The following CNTNAP4 variants were observed in gnomAD, a reference collection of about 807,000 sequenced individuals.
CNTNAP4 encodes contactin-associated protein-like 4.
Under a neutral mutation model 148.4 loss-of-function variants are expected in CNTNAP4, and 98 were observed. That is an observed-to-expected ratio of 0.66 (90% CI 0.56 to 0.78). CNTNAP4 has a LOEUF of 0.78. Ranked by LOEUF, CNTNAP4 falls within the 30% of genes least tolerant of loss-of-function variation. CNTNAP4 has a pLI of 0.00. For missense variants in CNTNAP4, 1,935 were observed against 1,565.6 expected (o/e 1.24, Z -3.98); for synonymous variants, 730 against 565.1 (o/e 1.29, Z -4.14).
intron 7 of CNTNAP4, among the ~76,000 whole-genome samples, chr16:76,451,723 A>C (rs12447768): frequency 0.43 from 65,114 of 151,180 alleles, 14,061 homozygotes; most frequent in Middle Eastern, 0.49. Context: ...GCTATCATGC[A>C]GCTATCCAAA....
Position 76,489,860 on chromosome 16 carries a change from AGTCACGGCTGG to A in CNTNAP4, c.2058_2068del (p.Lys686AsnfsTer3). ...CAGGAGTTTACTTATTACTGCAAGA[AGTCACGGCTGG>A]TCAATAAGCAAGGTAAGTAAACCAT... On this transcript the variant is annotated frameshift_variant, in exon 13 of 24. Transcript: ENST00000611870. LOFTEE classifies it high-confidence loss of function. 1 of 1,566,496 alleles carries A rather than the reference AGTCACGGCTGG, an allele frequency of 6.4e-7. No individual in the cohort carries two copies. The highest frequency in any genetic ancestry group is 8.7e-7 in the Non-Finnish European group (1 of 1,148,678).
At chr16:76,525,874 G>A (rs918701166) in intron 17 of CNTNAP4, among the ~76,000 whole-genome samples, 3 of 147,784 alleles carry the variant, frequency 2.0e-5, no homozygotes, top group African/African-American at 7.4e-5. Context: ...TATAAACTAT[G>A]TAACTATAGT....
At chr16:76,498,768 AC>A (rs1249571805) in intron 15 of CNTNAP4, 74 bp downstream of exon 15, 2 of 1,392,076 alleles carry the variant, frequency 1.4e-6, no homozygotes, top group Non-Finnish European at 1.9e-6. Flanking sequence ...CTTAAGCATC[AC>A]GTTTCTATCA....
chr16:76,323,360 C>T (rs1962629911), intron 2 of CNTNAP4, among the ~76,000 whole-genome samples: 1 of 151,104 alleles, frequency 6.6e-6, no homozygotes, highest in Non-Finnish European at 1.5e-5. Context: ...CTTACTAAAA[C>T]ATTAACATTT....
At chr16:76,432,468 A>G (rs1262396434) in intron 4 of CNTNAP4, 37 of 152,192 alleles carry the variant, frequency 2.4e-4, no homozygotes, top group Admixed American at 2.4e-3. Context: ...TAAATTTCCA[A>G]TATCTTGGCC....
In CNTNAP4 at chr16:76,521,226, T is replaced by G; in HGVS notation, c.2452T>G (p.Ser818Ala). ...TFHGELSADV[S>A]FFFKTTASSG... ...CCACGGAGAACTTAGCGCGGATGTA[T>G]CTTTCTTTTTTAAGACAACAGCTTC... is the stretch of plus-strand genomic sequence containing the variant. The change falls in exon 16 of 24, where the codon TCT (serine) becomes GCT (alanine). Residue 818 changes from serine to alanine, a missense_variant. By Grantham distance (99) the Ser-to-Ala change is moderately conservative. Transcript: ENST00000611870. The G allele has an allele frequency of 1.9e-6, 3 of 1,612,878 alleles. No individual in the cohort carries two copies. Among genetic ancestry groups the G allele is most frequent in the Non-Finnish European group, 1.7e-6 (2 of 1,179,370 alleles).
intron 4 of CNTNAP4, among the ~76,000 whole-genome samples, chr16:76,446,163 T>C (rs562464101): frequency 2.3e-4 from 35 of 152,264 alleles, no homozygotes; most frequent in Admixed American, 8.5e-4. Flanking sequence ...GTGGTGTGTA[T>C]AGACATTTCA....
At chr16:76,450,974 C>G (rs192915964) in intron 7 of CNTNAP4, among the ~76,000 whole-genome samples, 324 of 152,288 alleles carry the variant, frequency 2.1e-3, no homozygotes, top group Non-Finnish European at 3.5e-3. Context: ...TTGGAACTTA[C>G]AGACATTTTC....
rs891989811 is a variant in CNTNAP4 at position 76,516,813 on chromosome 16, C to T, written c.2366-4327C>T. ...AAGTGGTGGCTCACGCCTGTAATCC[C>T]AGCACTTTGGGAGGCCAAGGTGGGT... On this transcript the variant is annotated intron_variant, in intron 15 of 23. Transcript: ENST00000611870. Among the ~76,000 whole-genome samples the T allele has an allele frequency of 5.9e-5, 9 of 152,186 alleles. No individual in the cohort carries two copies. In the East Asian group the frequency reaches 1.7e-3, roughly 29 times the overall value.
intron 4 of CNTNAP4, among the ~76,000 whole-genome samples, chr16:76,436,089 G>C (rs1372217953): frequency 9.2e-5 from 14 of 152,018 alleles, no homozygotes; most frequent in Admixed American, 9.2e-4. Flanking sequence ...AACAAACAGG[G>C]GTGTTGGGGT....
At chr16:76,427,344 C>A (rs1167763658) in intron 3 of CNTNAP4, 108 bp from the exon 4 acceptor site, 7 of 823,908 alleles carry the variant, frequency 8.5e-6, no homozygotes, top group African/African-American at 7.0e-5. Context: ...AAGGTAGCAC[C>A]ATTCATAGTA....
chr16:76,308,938 C>T (rs1960791225), intron 1 of CNTNAP4, among the ~76,000 whole-genome samples: 1 of 151,522 alleles, frequency 6.6e-6, no homozygotes, highest in Non-Finnish European at 1.5e-5. Context: ...GACCCTCCTG[C>T]CTCAGCCGTC....
intron 3 of CNTNAP4, among the ~76,000 whole-genome samples, chr16:76,392,476 G>A (rs1361763733): frequency 2.0e-5 from 3 of 151,948 alleles, no homozygotes; most frequent in Non-Finnish European, 2.9e-5. Context: ...ACAGAATTCC[G>A]CAAATCTACT....
intron 15 of CNTNAP4, among the ~76,000 whole-genome samples, chr16:76,501,386 C>A (rs2082637320): frequency 1.3e-5 from 2 of 152,286 alleles, no homozygotes; most frequent in East Asian, 1.9e-4. Context: ...ATTTCATTAG[C>A]CAAAACCCCT....
intron 17 of CNTNAP4, among the ~76,000 whole-genome samples, chr16:76,526,313 A>G (rs1597065776): frequency 6.6e-6 from 1 of 152,148 alleles, no homozygotes; most frequent in South Asian, 2.1e-4. Flanking sequence ...AGATTTAGGG[A>G]AAGTATGATG....
At chr16:76,297,297 G>T (rs989694992) in intron 1 of CNTNAP4, among the ~76,000 whole-genome samples, 5 of 152,010 alleles carry the variant, frequency 3.3e-5, no homozygotes, top group Non-Finnish European at 7.4e-5. Context: ...AAATCATATT[G>T]ACTGGGAATT....
At chr16:76,470,249 C>G (rs1233532091) in intron 10 of CNTNAP4, among the ~76,000 whole-genome samples, 3 of 152,008 alleles carry the variant, frequency 2.0e-5, no homozygotes, top group Non-Finnish European at 4.4e-5. Flanking sequence ...TGCCATGCAG[C>G]CCCTCTGGGT....
intron 1 of CNTNAP4, among the ~76,000 whole-genome samples, chr16:76,284,868 G>C (rs1444817485): frequency 6.6e-6 from 1 of 152,000 alleles, no homozygotes; most frequent in African/African-American, 2.4e-5. Context: ...GGGGCTGATG[G>C]CTCTGTGTTG....
At chr16:76,448,577 C>T (rs2080336505) in intron 5 of CNTNAP4, among the ~76,000 whole-genome samples, 190 bp from the exon 6 acceptor site, 1 of 151,866 alleles carries the variant, frequency 6.6e-6, no homozygotes, top group Non-Finnish European at 1.5e-5. Flanking sequence ...GAATTAACAA[C>T]GGAGGAAATT....
Sources: allele counts gnomAD v4.1 joint callset (sites outside exome capture counted in the v4.1 genomes callset), GRCh38; gene constraint gnomAD v4.1.1; transcripts MANE v1.5; gene names NCBI Gene and HGNC (gene_info 2026-07-23, HGNC 2026-07-21).